The following EPHA6 variants were observed in gnomAD, a reference collection of about 807,000 sequenced individuals.
EPHA6 encodes the protein EPH receptor A6, also known as ephrin type-A receptor 6.
In EPHA6, 50 loss-of-function variants were observed where a neutral mutation model predicts 112.0. The observed-to-expected ratio is 0.45, with a 90% CI of 0.36 to 0.56. The LOEUF (loss-of-function observed/expected upper bound fraction) is 0.56. Ranked by LOEUF, EPHA6 falls within the 20% of genes least tolerant of loss-of-function variation. The pLI is 0.00. For missense variants in EPHA6, 1,280 were observed against 1,417.4 expected (o/e 0.90, Z 1.56); for synonymous variants, 529 against 490.7 (o/e 1.08, Z -1.03).
At chr3:96,906,935 A>G (rs1263830308) in intron 2 of EPHA6, among the ~76,000 whole-genome samples, 1 of 151,866 alleles carries the variant, frequency 6.6e-6, no homozygotes, top group Non-Finnish European at 1.5e-5. Flanking sequence ...GAGATAAATG[A>G]TCTCTGGAAT....
intron 15 of EPHA6, among the ~76,000 whole-genome samples, chr3:97,724,364 G>T (rs1273295940): frequency 6.6e-6 from 1 of 152,078 alleles, no homozygotes; most frequent in Non-Finnish European, 1.5e-5. Flanking sequence ...GTCCATAAAA[G>T]ACCTAACAAA....
chr3:97,269,475 G>A (rs1386313104), intron 5 of EPHA6, among the ~76,000 whole-genome samples: 1 of 152,030 alleles, frequency 6.6e-6, no homozygotes, highest in Non-Finnish European at 1.5e-5. Flanking sequence ...TTACACCTGG[G>A]GTGGACCCTG....
intron 2 of EPHA6, among the ~76,000 whole-genome samples, chr3:96,917,930 A>G (rs569978688): frequency 5.9e-5 from 9 of 152,280 alleles, no homozygotes; most frequent in Admixed American, 3.3e-4. Flanking sequence ...CTGAAGTGAC[A>G]GATAAGGAAT....
chr3:97,412,378 A>G (rs2087782314), intron 6 of EPHA6, among the ~76,000 whole-genome samples: 1 of 152,038 alleles, frequency 6.6e-6, no homozygotes, highest in South Asian at 2.1e-4. Context: ...TTCTAACCTC[A>G]TATTCAGTTG....
intron 11 of EPHA6, among the ~76,000 whole-genome samples, chr3:97,563,753 C>T (rs563047473): frequency 1.3e-5 from 2 of 152,252 alleles, no homozygotes; most frequent in Non-Finnish European, 2.9e-5. Context: ...ACCTTGAGGT[C>T]CAAAACATTC....
At chr3:97,023,237 C>T (rs2044523125) in intron 3 of EPHA6, among the ~76,000 whole-genome samples, 2 of 152,098 alleles carry the variant, frequency 1.3e-5, no homozygotes, top group East Asian at 1.9e-4. Context: ...TGCCACCACA[C>T]CTGGCTAATT....
At chr3:97,739,705 C>T (rs1393921265) in intron 16 of EPHA6, among the ~76,000 whole-genome samples, 1 of 152,082 alleles carries the variant, frequency 6.6e-6, no homozygotes, top group Non-Finnish European at 1.5e-5. Context: ...TCCCAACATG[C>T]TTGCTTTCTC....
At chr3:97,623,585 C>T (rs994993044) in intron 13 of EPHA6, among the ~76,000 whole-genome samples, 2 of 151,604 alleles carry the variant, frequency 1.3e-5, no homozygotes, top group African/African-American at 4.8e-5. Flanking sequence ...ACAGAAGGGA[C>T]AAAAGCTGTG....
intron 3 of EPHA6, among the ~76,000 whole-genome samples, chr3:97,184,496 C>A (rs995447843): frequency 1.3e-5 from 2 of 152,110 alleles, no homozygotes; most frequent in Non-Finnish European, 2.9e-5. Context: ...ACCTGGCAAT[C>A]CAACTTACAA....
chr3:97,493,700 A>C (rs893180940), intron 10 of EPHA6, among the ~76,000 whole-genome samples: 10 of 152,234 alleles, frequency 6.6e-5, no homozygotes, highest in Middle Eastern at 3.4e-3. Flanking sequence ...ACTGTTATCC[A>C]AGTGTCTTCA....
At chr3:97,479,968 A>G (rs550497923) in intron 9 of EPHA6, among the ~76,000 whole-genome samples, 1 of 152,274 alleles carries the variant, frequency 6.6e-6, no homozygotes, top group South Asian at 2.1e-4. Context: ...ATTGCAAACT[A>G]CTTCAGCAAG....
intron 5 of EPHA6, among the ~76,000 whole-genome samples, chr3:97,395,178 G>T (rs1248062731): frequency 6.6e-6 from 1 of 151,600 alleles, no homozygotes; most frequent in South Asian, 2.1e-4. Flanking sequence ...CTAACTTGCT[G>T]CATATAAGTC....
At chr3:97,266,660 A>G (rs2079695305) in intron 5 of EPHA6, among the ~76,000 whole-genome samples, 1 of 152,192 alleles carries the variant, frequency 6.6e-6, no homozygotes, top group Non-Finnish European at 1.5e-5. Context: ...ACTAGAGAAT[A>G]GTAATATTAC....
At chr3:97,004,961 C>T (rs2856464) in intron 3 of EPHA6, among the ~76,000 whole-genome samples, 8,321 of 152,074 alleles carry the variant, frequency 0.055, 286 homozygotes, top group Middle Eastern at 0.12. Context: ...TGTTCTGATC[C>T]TTTGGTCTAT....
At chr3:96,855,984 G>T (rs1465439424) in intron 1 of EPHA6, among the ~76,000 whole-genome samples, 2 of 152,082 alleles carry the variant, frequency 1.3e-5, no homozygotes, top group Non-Finnish European at 2.9e-5. Flanking sequence ...GGAGGCCAGG[G>T]TTGCATAAGG....
At chr3:97,308,485 A>G (rs2081416391) in intron 5 of EPHA6, among the ~76,000 whole-genome samples, 1 of 151,748 alleles carries the variant, frequency 6.6e-6, no homozygotes, top group African/African-American at 2.4e-5. Flanking sequence ...TACTTCTAGC[A>G]CTATGCTGTT....
intron 6 of EPHA6, among the ~76,000 whole-genome samples, chr3:97,409,796 G>T (rs2087591249): frequency 1.3e-5 from 2 of 151,920 alleles, no homozygotes; most frequent in African/African-American, 4.8e-5. Context: ...AAGTGGTCTT[G>T]TTAATTTTTA....
chr3:97,257,791 G>C (rs916358433), intron 5 of EPHA6, among the ~76,000 whole-genome samples: 1 of 151,974 alleles, frequency 6.6e-6, no homozygotes, highest in Non-Finnish European at 1.5e-5. Flanking sequence ...AATAAATAAA[G>C]TGTACTATGT....
At chr3:97,485,875 A>G (rs1156352682) in intron 10 of EPHA6, among the ~76,000 whole-genome samples, 1 of 152,214 alleles carries the variant, frequency 6.6e-6, no homozygotes, top group East Asian at 1.9e-4. Flanking sequence ...TCCAATACTC[A>G]CATAGATACA....
Sources: gnomAD v4.1 joint callset for allele counts (sites outside exome capture counted in the v4.1 genomes callset) on GRCh38, gnomAD v4.1.1 for gene constraint, MANE v1.5 for transcripts, NCBI Gene and HGNC (gene_info 2026-07-23, HGNC 2026-07-21) for gene names.